Variants in AK5 observed in about 807,000 individuals in gnomAD.
The protein encoded by AK5 is adenylate kinase isoenzyme 5.
A neutral mutation model predicts 69.5 loss-of-function variants in AK5; 27 were observed. The ratio of observed to expected loss-of-function variants is 0.39; its 90% confidence interval spans 0.29 to 0.54. The LOEUF (loss-of-function observed/expected upper bound fraction) is 0.54, where lower values mean the gene tolerates loss of function less well. AK5 is among the 20% of genes least tolerant of loss of function. The probability of loss-of-function intolerance (pLI) is 0.71; values close to 1 mark genes in which losing one functional copy is unlikely to be tolerated. For synonymous variants in AK5, 260 were observed against 244.4 expected, an observed-to-expected ratio of 1.06 and a Z score of -0.60; for missense variants, 531 against 700.4, an observed-to-expected ratio of 0.76 and a Z score of 2.73.
chr1:77,439,574 C>G (rs1652175501), intron 8 of AK5, among the ~76,000 whole-genome samples: 1 of 152,070 alleles, frequency 6.6e-6, no homozygotes, highest in African/African-American at 2.4e-5. Flanking sequence ...TTCCTAGCCT[C>G]TGGTAACCAA....
At chr1:77,462,829 A>T (rs1437852749) in intron 8 of AK5, among the ~76,000 whole-genome samples, 8 of 152,232 alleles carry the variant, frequency 5.3e-5, no homozygotes, top group Non-Finnish European at 7.3e-5. Context: ...GATAGCTAAG[A>T]AGACAATTAT....
rs531331828 is a variant in AK5, at chr1:77,500,960, A to G, written c.1147+14608A>G. On this transcript the variant is annotated intron_variant, in intron 10 of 13. Coordinates refer to ENST00000354567, the MANE Select transcript of AK5 (RefSeq NM_174858.3). ...CATGCTTATGAAAACTTCAGAGCCC[A>G]TACAGCGCAGTGTAGAATTAACTGA... 4.6e-5 allele frequency among the ~76,000 whole-genome samples: 7 copies of G among 152,306 alleles called. No homozygotes were observed. The South Asian group carries it at 1.0e-3, about 23-fold the overall frequency.
chr1:77,532,762 C>G (rs565227048), intron 12 of AK5, among the ~76,000 whole-genome samples: 1 of 152,258 alleles, frequency 6.6e-6, no homozygotes, highest in East Asian at 1.9e-4. Context: ...CATGGAGAAT[C>G]CGGTGAGGCT....
At chr1:77,473,878 CTCT>C (rs1654672719) in intron 8 of AK5, among the ~76,000 whole-genome samples, 1 of 152,196 alleles carries the variant, frequency 6.6e-6, no homozygotes, top group African/African-American at 2.4e-5. Context: ...GCTCTTGTTG[CTCT>C]TCTTACCACT....
intron 3 of AK5, 81 bp downstream of exon 3, chr1:77,294,041 A>G: frequency 7.8e-7 from 1 of 1,288,996 alleles, no homozygotes; most frequent in Non-Finnish European, 1.1e-6. Flanking sequence ...TAAATCATAT[A>G]TGTGCAAATA....
chr1:77,340,329 AT>A (rs1661583718), intron 5 of AK5, 47 bp from the exon 6 acceptor site: 1 of 1,541,048 alleles, frequency 6.5e-7, no homozygotes, highest in East Asian at 2.3e-5. Flanking sequence ...CCACACATGC[AT>A]TAGTTGGTAT....
At chr1:77,445,393 T>G (rs565420666) in intron 8 of AK5, among the ~76,000 whole-genome samples, 1 of 152,290 alleles carries the variant, frequency 6.6e-6, no homozygotes, top group Non-Finnish European at 1.5e-5. Context: ...GTTGAGTACC[T>G]TTTCATGTAC....
In AK5 at chr1:77,476,227, C is replaced by T. The variant is rs1447875876; in HGVS notation, c.1060-7090C>T. 3.3e-5 allele frequency among the ~76,000 whole-genome samples: 5 copies of T among 152,180 alleles called. No individual in the cohort carries two copies. In the East Asian group the frequency reaches 5.8e-4, roughly 18 times the overall value. On this transcript the variant is annotated intron_variant, in intron 8 of 13. Coordinates refer to ENST00000354567, the MANE Select transcript of AK5 (RefSeq NM_174858.3). Reference sequence around the variant, plus strand: ...AGTGAATGAGAAATGGGACTTGCTGCGGAATAAATTCTGGGGTGTAACTAA... The same window carrying T: ...AGTGAATGAGAAATGGGACTTGCTGTGGAATAAATTCTGGGGTGTAACTAA...
intron 8 of AK5, among the ~76,000 whole-genome samples, chr1:77,422,669 C>G (rs1395681372): frequency 6.6e-6 from 1 of 152,156 alleles, no homozygotes; most frequent in Non-Finnish European, 1.5e-5. Context: ...GTTTGGTTCA[C>G]CTTCTCAGGG....
chr1:77,380,019 G>A lies in AK5; in HGVS notation c.892-30962G>A, dbSNP rs372829274. Among the ~76,000 whole-genome samples the A allele has an allele frequency of 1.2e-4, 19 of 152,318 alleles. No individual in the cohort carries two copies. The South Asian group carries it at 2.1e-3, about 17-fold the overall frequency. ...CTCATAATTATTAATGATAAATCCT[G>A]AAGTGTCCCACTGAGCCCACAGAGT... On this transcript the variant is annotated intron_variant, in intron 6 of 13. Coordinates refer to ENST00000354567, the MANE Select transcript of AK5 (RefSeq NM_174858.3).
At chr1:77,369,512 G>C (rs370535969) in intron 6 of AK5, among the ~76,000 whole-genome samples, 1 of 152,048 alleles carries the variant, frequency 6.6e-6, no homozygotes, top group East Asian at 1.9e-4. Context: ...ATTATTCATA[G>C]TAATACAGTC....
intron 8 of AK5, among the ~76,000 whole-genome samples, chr1:77,438,540 T>C (rs1453408303): frequency 6.6e-6 from 1 of 152,158 alleles, no homozygotes; most frequent in Non-Finnish European, 1.5e-5. Context: ...TGGCTTTTAA[T>C]TGGCCATCTC....
At chr1:77,448,587 C>A (rs1252866851) in intron 8 of AK5, among the ~76,000 whole-genome samples, 1 of 152,228 alleles carries the variant, frequency 6.6e-6, no homozygotes, top group Non-Finnish European at 1.5e-5. Flanking sequence ...TTGCCTTGCT[C>A]ACCCTCCAGT....
intron 1 of AK5, among the ~76,000 whole-genome samples, chr1:77,284,364 G>C (rs1447060920): frequency 6.6e-6 from 1 of 152,178 alleles, no homozygotes; most frequent in Non-Finnish European, 1.5e-5. Context: ...ACAATTAGCT[G>C]TCTACTAAAC....
rs762714026 is a variant in AK5, at chr1:77,358,018, T to TGTGTGTGTGTGTGAGA, written c.891+17451_891+17452insTGTGTGTGTGTGAGAG. 6.4e-3 allele frequency among the ~76,000 whole-genome samples: 825 copies of TGTGTGTGTGTGTGAGA among 128,240 alleles called. 7 individuals are homozygous for TGTGTGTGTGTGTGAGA. Among genetic ancestry groups the TGTGTGTGTGTGTGAGA allele is most frequent in the South Asian group, 0.018 (64 of 3,498 alleles). The allele number at this position is 128,240 out of a possible 152,430, so 84.1% of individuals were successfully genotyped here. On this transcript the variant is annotated intron_variant, in intron 6 of 13. Transcript: ENST00000354567. ...GTGTGTGTGTGTGTGTGTGTGTGTG[T>TGTGTGTGTGTGTGAGA]GAGAGAGAGAGAGAGAGAGAGACAG...
intron 5 of AK5, among the ~76,000 whole-genome samples, chr1:77,328,573 A>G (rs1319252088): frequency 2.0e-5 from 3 of 152,076 alleles, no homozygotes; most frequent in African/African-American, 4.8e-5. Flanking sequence ...ATGTACCCCA[A>G]TCACTCTTAT....
intron 12 of AK5, among the ~76,000 whole-genome samples, chr1:77,527,431 C>T (rs1490718475): frequency 1.3e-5 from 2 of 152,106 alleles, no homozygotes; most frequent in Admixed American, 6.5e-5. Flanking sequence ...CCGTTCAGAC[C>T]GGTTTTAGAA....
chr1:77,537,844 C>A (rs1181301478), intron 13 of AK5, among the ~76,000 whole-genome samples: 1 of 152,180 alleles, frequency 6.6e-6, no homozygotes, highest in African/African-American at 2.4e-5. Flanking sequence ...GAGACATAAT[C>A]CCCTACTTCC....
chr1:77,282,911 A>G, intron 1 of AK5: 1 of 985,768 alleles, frequency 1.0e-6, no homozygotes, highest in Non-Finnish European at 1.2e-6. Flanking sequence ...ATCAAGTGCC[A>G]CCTCCCCGGT....
Sources: allele counts gnomAD v4.1 joint callset (sites outside exome capture counted in the v4.1 genomes callset), GRCh38; gene constraint gnomAD v4.1.1; transcripts MANE v1.5; gene names NCBI Gene and HGNC (gene_info 2026-07-23, HGNC 2026-07-21).